The following PPP2R5E variants were observed in gnomAD, a reference collection of about 807,000 sequenced individuals.
PPP2R5E encodes protein phosphatase 2 regulatory subunit B'epsilon.
Under a neutral mutation model 65.3 loss-of-function variants are expected in PPP2R5E, and 4 were observed. The ratio of observed to expected loss-of-function variants is 0.06; its 90% CI spans 0.03 to 0.14. The LOEUF is 0.14. Among genes scored for constraint, PPP2R5E ranks in the 10% least tolerant of loss-of-function variants. The probability of loss-of-function intolerance (pLI) is 1.00; values close to 1 mark genes in which losing one functional copy is unlikely to be tolerated. For synonymous variants in PPP2R5E, 183 were observed against 187.4 expected (o/e 0.98, Z 0.19); for missense variants, 274 against 556.1 (o/e 0.49, Z 5.10).
intron 2 of PPP2R5E, among the ~76,000 whole-genome samples, chr14:63,518,868 C>T (rs895115774): frequency 2.6e-5 from 4 of 151,882 alleles, no homozygotes; most frequent in Non-Finnish European, 4.4e-5. Flanking sequence ...TCTTTTATTC[C>T]TTTACTTTCT....
intron 2 of PPP2R5E, among the ~76,000 whole-genome samples, chr14:63,495,622 G>A (rs1302709597): frequency 5.3e-5 from 8 of 151,766 alleles, no homozygotes; most frequent in Non-Finnish European, 7.4e-5. Flanking sequence ...ATATGTATAT[G>A]TAGACAAAAA....
At chr14:63,461,477 A>T (rs574781658) in intron 2 of PPP2R5E, among the ~76,000 whole-genome samples, 2 of 152,284 alleles carry the variant, frequency 1.3e-5, no homozygotes, top group South Asian at 4.1e-4. Context: ...ACGATCATAG[A>T]ATAAAAGACA....
chr14:63,428,149 G>A (rs375546374), intron 3 of PPP2R5E, among the ~76,000 whole-genome samples: 44 of 151,976 alleles, frequency 2.9e-4, no homozygotes, highest in Non-Finnish European at 4.0e-4. Context: ...CCCCACTGCC[G>A]GTTCAGACCT....
chr14:63,406,410 C>CAAAAAAA, intron 5 of PPP2R5E, among the ~76,000 whole-genome samples: 1 of 83,314 alleles, frequency 1.2e-5, no homozygotes, highest in Non-Finnish European at 2.6e-5. Context: ...GACTTCATCT[C>CAAAAAAA]AAAAAAAAAA....
chr14:63,402,262 T>C (rs955920512), intron 5 of PPP2R5E, among the ~76,000 whole-genome samples: 1 of 152,002 alleles, frequency 6.6e-6, no homozygotes, highest in African/African-American at 2.4e-5. Context: ...CAGCTGAGGG[T>C]TTCCTAATGA....
At chr14:63,496,860 C>T (rs1296348879) in intron 2 of PPP2R5E, among the ~76,000 whole-genome samples, 3 of 150,052 alleles carry the variant, frequency 2.0e-5, no homozygotes, top group Non-Finnish European at 4.4e-5. Context: ...TTTGGAATAA[C>T]AAACTATTTT....
At position 63,404,281 on chromosome 14, in the gene PPP2R5E, G is replaced by A. The variant is rs28631521; in HGVS notation, c.550-7565C>T. Among the ~76,000 whole-genome samples the A allele has an allele frequency of 5.2e-3, 798 of 152,286 alleles. 3 individuals are homozygous for A. The highest frequency in any genetic ancestry group is 0.014 in the African/African-American group (586 of 41,554). On this transcript the variant is annotated intron_variant, in intron 5 of 13. Coordinates refer to ENST00000337537, the MANE Select transcript of PPP2R5E (RefSeq NM_006246.5). Reference sequence around the variant, plus strand: ...ATTACCCTGCCCTATTCCATGTAAAGTAAGATTTTAGAGAACATCAGAATT... The same window carrying A: ...ATTACCCTGCCCTATTCCATGTAAAATAAGATTTTAGAGAACATCAGAATT...
intron 2 of PPP2R5E, among the ~76,000 whole-genome samples, chr14:63,528,747 A>G (rs1400333315): frequency 6.6e-6 from 1 of 152,226 alleles, no homozygotes; most frequent in East Asian, 1.9e-4. Flanking sequence ...ATATTTATGA[A>G]GGAAAAATAA....
At chr14:63,479,498 C>T (rs370199537) in intron 2 of PPP2R5E, 2 of 152,170 alleles carry the variant, frequency 1.3e-5, no homozygotes, top group African/African-American at 4.8e-5. Flanking sequence ...ATTCTAGCTC[C>T]GTTCACTTGG....
Position 63,411,393 on chromosome 14 carries a change from C to CT in PPP2R5E, c.549+3746dup, listed in dbSNP as rs1256278806. Among the ~76,000 whole-genome samples the CT allele has an allele frequency of 7.9e-5, 12 of 151,942 alleles. No homozygotes were observed. In the East Asian group the frequency reaches 2.3e-3, roughly 29 times the overall value. The stretch of plus-strand genomic sequence containing the variant: ...ACCCTGGCTAGTTTAACAACTTTTT[C>CT]TTTTTTTTAAAATTATTTTTATTTT... On this transcript the variant is annotated intron_variant, in intron 5 of 13. Coordinates refer to ENST00000337537, the MANE Select transcript of PPP2R5E (RefSeq NM_006246.5).
chr14:63,515,014 G>A (rs987768129), intron 2 of PPP2R5E, among the ~76,000 whole-genome samples: 2 of 152,116 alleles, frequency 1.3e-5, no homozygotes, highest in Non-Finnish European at 2.9e-5. Flanking sequence ...CTACCCTGCT[G>A]AACATGCAAT....
At chr14:63,437,939 C>T (rs1485432288) in intron 3 of PPP2R5E, among the ~76,000 whole-genome samples, 1 of 152,184 alleles carries the variant, frequency 6.6e-6, no homozygotes, top group Non-Finnish European at 1.5e-5. Context: ...CTCTCCACTA[C>T]TTGGCCAACC....
intron 2 of PPP2R5E, among the ~76,000 whole-genome samples, chr14:63,522,641 G>A (rs1387103846): frequency 2.8e-5 from 4 of 141,928 alleles, no homozygotes; most frequent in Admixed American, 1.4e-4. Context: ...CCGCGACCCC[G>A]TCTGGGAGGA....
intron 2 of PPP2R5E, among the ~76,000 whole-genome samples, chr14:63,535,008 C>G (rs1232458792): frequency 6.6e-6 from 1 of 152,104 alleles, no homozygotes; most frequent in Admixed American, 6.5e-5. Flanking sequence ...AAAGTTCATC[C>G]TATAATTTCC....
chr14:63,418,553 C>A (rs1886825507), intron 4 of PPP2R5E, among the ~76,000 whole-genome samples: 1 of 152,200 alleles, frequency 6.6e-6, no homozygotes, highest in Admixed American at 6.5e-5. Flanking sequence ...TAAATGAATT[C>A]TCCAAGGAAC....
intron 3 of PPP2R5E, among the ~76,000 whole-genome samples, chr14:63,441,099 T>C (rs1274488493): frequency 1.3e-5 from 2 of 152,214 alleles, no homozygotes; most frequent in Non-Finnish European, 2.9e-5. Flanking sequence ...ATACTACCTA[T>C]GTCACAGGTG....
intron 5 of PPP2R5E, among the ~76,000 whole-genome samples, chr14:63,412,282 G>C (rs1016860645): frequency 6.6e-6 from 1 of 152,150 alleles, no homozygotes; most frequent in African/African-American, 2.4e-5. Flanking sequence ...GTTTAAAAAA[G>C]GGAAAAGAAG....
At chr14:63,470,182 C>A (rs1384902153) in intron 2 of PPP2R5E, among the ~76,000 whole-genome samples, 1 of 152,098 alleles carries the variant, frequency 6.6e-6, no homozygotes, top group Non-Finnish European at 1.5e-5. Flanking sequence ...AGCAATCCTC[C>A]CATTTCAGCC....
At chr14:63,526,979 G>A (rs1459925271) in intron 2 of PPP2R5E, among the ~76,000 whole-genome samples, 1 of 152,208 alleles carries the variant, frequency 6.6e-6, no homozygotes, top group Non-Finnish European at 1.5e-5. Context: ...AGACCAGCCT[G>A]ACCAACACAG....
Sources: allele counts gnomAD v4.1 joint callset (sites outside exome capture counted in the v4.1 genomes callset), GRCh38; gene constraint gnomAD v4.1.1; transcripts MANE v1.5; gene names NCBI Gene and HGNC (gene_info 2026-07-23, HGNC 2026-07-21).